The following LRFN5 variants were observed in gnomAD, a reference collection of about 807,000 sequenced individuals.
LRFN5 encodes the protein leucine-rich repeat and fibronectin type-III domain-containing protein 5.
In LRFN5, 24 loss-of-function variants were observed where a neutral mutation model predicts 45.6. The observed-to-expected ratio is 0.53, with a 90% CI of 0.38 to 0.74. The LOEUF (loss-of-function observed/expected upper bound fraction) is 0.74, where lower values mean the gene tolerates loss of function less well. LRFN5 is among the 30% of genes least tolerant of loss of function. The probability of loss-of-function intolerance (pLI) is 0.00; values close to 1 mark genes in which losing one functional copy is unlikely to be tolerated. For synonymous variants in LRFN5, 340 were observed against 313.8 expected (o/e 1.08, Z -0.88); for missense variants, 776 against 861.5 (o/e 0.90, Z 1.24).
chr14:41,793,050 A>T (rs1347418211), intron 2 of LRFN5, among the ~76,000 whole-genome samples: 1 of 151,710 alleles, frequency 6.6e-6, no homozygotes, highest in African/African-American at 2.4e-5. Flanking sequence ...CTAATGCTAG[A>T]GGACGAGTTA....
chr14:41,846,902 C>T lies in LRFN5; in HGVS notation c.-20-39704C>T, dbSNP rs557412084. ...ATTCTTGGTCTATGGCCCCTTCCTT[C>T]AACTTCAAAGCGACAAAGTTGGGCC... On this transcript the variant is annotated intron_variant, in intron 2 of 5. Transcript: ENST00000298119. Among the ~76,000 whole-genome samples the T allele has an allele frequency of 9.9e-5, 15 of 152,206 alleles. No homozygotes were observed. The South Asian group carries it at 2.9e-3, about 29-fold the overall frequency.
intron 1 of LRFN5, among the ~76,000 whole-genome samples, chr14:41,752,400 A>G (rs146840205): frequency 0.022 from 3,299 of 152,236 alleles, 37 homozygotes; most frequent in Non-Finnish European, 0.033. Context: ...AAGTGTTCCT[A>G]TGTCTCCACA....
intron 2 of LRFN5, among the ~76,000 whole-genome samples, chr14:41,885,443 A>G (rs1890534266): frequency 6.6e-6 from 1 of 152,162 alleles, no homozygotes; most frequent in African/African-American, 2.4e-5. Flanking sequence ...GCATATACTC[A>G]AGATCAAACA....
intron 1 of LRFN5, among the ~76,000 whole-genome samples, chr14:41,745,069 TAC>T (rs1387327055): frequency 6.6e-6 from 1 of 152,060 alleles, no homozygotes; most frequent in East Asian, 1.9e-4. Context: ...AACAACAGAA[TAC>T]ACATTTTTCT....
intron 1 of LRFN5, chr14:41,701,374 TATTTA>T (rs533703933): frequency 4.7e-4 from 71 of 152,308 alleles, no homozygotes; most frequent in Admixed American, 2.6e-3. Flanking sequence ...CCTAAGCTTG[TATTTA>T]AACTGTCAAT....
chr14:41,849,531 G>C (rs932741058), intron 2 of LRFN5, among the ~76,000 whole-genome samples: 3 of 151,324 alleles, frequency 2.0e-5, no homozygotes, highest in African/African-American at 7.3e-5. Context: ...ACATCCATTT[G>C]CTCACCTGCT....
At chr14:41,770,301 C>T (rs1374609930) in intron 2 of LRFN5, among the ~76,000 whole-genome samples, 1 of 152,164 alleles carries the variant, frequency 6.6e-6, no homozygotes, top group Admixed American at 6.5e-5. Flanking sequence ...CTGGCCCCCC[C>T]AAATCACATG....
At chr14:41,903,458 T>C (rs1006137380) in intron 5 of LRFN5, among the ~76,000 whole-genome samples, 1 of 151,378 alleles carries the variant, frequency 6.6e-6, no homozygotes, top group African/African-American at 2.4e-5. Flanking sequence ...TATTTTCCAT[T>C]TTCATCAAGA....
intron 1 of LRFN5, among the ~76,000 whole-genome samples, chr14:41,747,555 A>G (rs1344875008): frequency 6.6e-6 from 1 of 152,016 alleles, no homozygotes; most frequent in African/African-American, 2.4e-5. Context: ...AACACTGACA[A>G]CTATAACCTC....
Position 41,671,617 on chromosome 14 carries a change from G to GTTTTTTTTTTTTTTTTTTTTTTT in LRFN5, c.-197+63075_-197+63076insTTTTTTTTTTTTTTTTTTTTTTT, listed in dbSNP as rs914212982. On this transcript the variant is annotated intron_variant, in intron 1 of 5. Transcript: ENST00000298119. ...TGTGGAGGAGAGATTTTTTTTTTTCGTTTTTTTTTTTTTTTTTTTTACGGA... is the reference window on the plus strand; with the variant it reads ...TGTGGAGGAGAGATTTTTTTTTTTCGTTTTTTTTTTTTTTTTTTTTTTTTTTTTTTTTTTTTTTTTTTTACGGA... Among the ~76,000 whole-genome samples the GTTTTTTTTTTTTTTTTTTTTTTT allele has an allele frequency of 3.5e-4, 27 of 78,026 alleles. 5 individuals are homozygous for GTTTTTTTTTTTTTTTTTTTTTTT. The highest frequency in any genetic ancestry group is 9.8e-3 in the Middle Eastern group (1 of 102). The allele number at this position is 78,026 out of a possible 152,430, so 51.2% of individuals were successfully genotyped here.
At chr14:41,900,343 T>A (rs921065733) in intron 5 of LRFN5, among the ~76,000 whole-genome samples, 1 of 152,042 alleles carries the variant, frequency 6.6e-6, no homozygotes, top group Non-Finnish European at 1.5e-5. Flanking sequence ...TATTGTATAT[T>A]ATTTTGCTTA....
intron 2 of LRFN5, among the ~76,000 whole-genome samples, chr14:41,839,681 A>G (rs944975360): frequency 2.0e-5 from 3 of 152,146 alleles, no homozygotes; most frequent in Non-Finnish European, 4.4e-5. Context: ...TGTGAGAAAG[A>G]CAGCTCAACT....
chr14:41,751,341 G>C (rs901699642), intron 1 of LRFN5, among the ~76,000 whole-genome samples: 3 of 151,700 alleles, frequency 2.0e-5, no homozygotes, highest in Non-Finnish European at 4.4e-5. Flanking sequence ...GCTATAAATG[G>C]AATTACAGCT....
At chr14:41,660,400 G>A (rs1037369460) in intron 1 of LRFN5, among the ~76,000 whole-genome samples, 3 of 152,008 alleles carry the variant, frequency 2.0e-5, no homozygotes, top group African/African-American at 7.2e-5. Flanking sequence ...ATGTTTGAAC[G>A]TTTGCAAACA....
intron 2 of LRFN5, among the ~76,000 whole-genome samples, chr14:41,812,949 C>G (rs1887785417): frequency 6.6e-6 from 1 of 152,084 alleles, no homozygotes; most frequent in African/African-American, 2.4e-5. Context: ...AAAAGACACA[C>G]ACAGGTAGCT....
intron 1 of LRFN5, among the ~76,000 whole-genome samples, chr14:41,643,731 A>T (rs1879688918): frequency 6.6e-6 from 1 of 151,684 alleles, no homozygotes; most frequent in Non-Finnish European, 1.5e-5. Context: ...ACACACACAC[A>T]CTGACTGTTT....
intron 2 of LRFN5, among the ~76,000 whole-genome samples, chr14:41,859,101 A>T (rs1594472171): frequency 1.3e-5 from 2 of 152,212 alleles, no homozygotes; most frequent in East Asian, 3.9e-4. Flanking sequence ...TTCTATGGTG[A>T]AATTATTCTC....
intron 1 of LRFN5, among the ~76,000 whole-genome samples, chr14:41,707,595 A>G (rs1409784724): frequency 6.6e-6 from 1 of 152,122 alleles, no homozygotes; most frequent in Non-Finnish European, 1.5e-5. Context: ...ACTTTTATAT[A>G]TACTAAAATA....
At chr14:41,638,377 A>G (rs755320512) in intron 1 of LRFN5, among the ~76,000 whole-genome samples, 3 of 152,238 alleles carry the variant, frequency 2.0e-5, no homozygotes, top group Non-Finnish European at 2.9e-5. Context: ...AATTAATTCT[A>G]TACTGTCAGA....
Sources: gnomAD v4.1 joint callset for allele counts (sites outside exome capture counted in the v4.1 genomes callset) on GRCh38, gnomAD v4.1.1 for gene constraint, MANE v1.5 for transcripts, NCBI Gene and HGNC (gene_info 2026-07-23, HGNC 2026-07-21) for gene names.